MYH9: variants seen among roughly 807,000 people sequenced by gnomAD.
MYH9 encodes the protein myosin-9.
MYH9 carries 29 observed loss-of-function variants against 241.9 expected under a neutral mutation model. That is an observed-to-expected ratio of 0.12 (90% CI 0.09 to 0.16). The LOEUF (loss-of-function observed/expected upper bound fraction) is 0.16, where lower values mean the gene tolerates loss of function less well. Among genes scored for constraint, MYH9 ranks in the 10% least tolerant of loss-of-function variants. The probability of loss-of-function intolerance (pLI) is 1.00; values close to 1 mark genes in which losing one functional copy is unlikely to be tolerated. For missense variants in MYH9, 1,803 were observed against 2,595.5 expected (o/e 0.69, Z 6.63); for synonymous variants, 1,047 against 1,062.6 (o/e 0.99, Z 0.29).
rs1445771603 is a variant in MYH9, at chr22:36,285,372, T to C, written c.5275-43A>G. The C allele has an allele frequency of 1.4e-5, 22 of 1,590,170 alleles. No homozygotes were observed. The highest frequency in any genetic ancestry group is 1.9e-5 in the Non-Finnish European group (22 of 1,169,324). On this transcript the variant is annotated intron_variant, in intron 37 of 40. Coordinates refer to ENST00000216181, the MANE Select transcript of MYH9 (RefSeq NM_002473.6). The surrounding 1 kb of genome is among the most constrained non-coding windows in gnomAD (Gnocchi z 7.0). ...GTGACCTTGGGGAGGGCTGGGGCCC[T>C]GGCTGGAGGGCATGAGCAGGGCCAG...
chr22:36,300,520 G>A lies in MYH9; in HGVS notation c.2839-256C>T, dbSNP rs540612821. On this transcript the variant is annotated intron_variant, in intron 22 of 40. Transcript: ENST00000216181. This position sits in a 1 kb window ranked among gnomAD's most constrained non-coding sequence, Gnocchi z 5.0. Reference sequence around the variant, plus strand: ...CAGAACATCGGTGCAATGTTCTGAAGGGTTTCCTGCAGCAAGCTCCCACCC... The same window carrying A: ...CAGAACATCGGTGCAATGTTCTGAAAGGTTTCCTGCAGCAAGCTCCCACCC... Among the ~76,000 whole-genome samples, 1 of 152,354 alleles carries A rather than the reference G, an allele frequency of 6.6e-6. No individual in the cohort carries two copies. The highest frequency in any genetic ancestry group is 2.1e-4 in the South Asian group (1 of 4,832).
At position 36,286,798 on chromosome 22, in the gene MYH9, G is replaced by C. The variant is rs760844584; in HGVS notation, c.4981C>G (p.Arg1661Gly). ...MRELDDTRAS[R>G]EEILAQAKEN... ...TTGGCCTGGGCCAGGATCTCCTCAC[G>C]AGAGGCGCGGGTGTCATCCAGCTCG... Residue 1661 changes from arginine (R) to glycine (G), a missense_variant, in exon 35 of 41, where the codon CGT (arginine) becomes GGT (glycine). By Grantham distance (125) the Arg-to-Gly change is moderately radical (BLOSUM62 -2). Around this residue, in one of 11 missense-constraint regions of MYH9, gnomAD observed 876 missense variants for 1,077.8 expected, o/e 0.81. Transcript: ENST00000216181. 3.1e-6 allele frequency: 5 copies of C among 1,612,236 alleles called. No individual in the cohort carries two copies. The Admixed American group carries it at 5.0e-5, about 16-fold the overall frequency.
intron 7 of MYH9, 85 bp downstream of exon 7, chr22:36,321,673 G>A: frequency 7.8e-7 from 1 of 1,281,118 alleles, no homozygotes; most frequent in Non-Finnish European, 1.1e-6. Context: ...GGAAAGTGCT[G>A]GAATCAGGAG....
intron 3 of MYH9, among the ~76,000 whole-genome samples, chr22:36,334,960 C>T (rs1375680595): frequency 6.6e-6 from 1 of 152,204 alleles, no homozygotes; most frequent in Non-Finnish European, 1.5e-5. Flanking sequence ...CTCCACGACA[C>T]ACTTCCTCTT....
chr22:36,346,752 G>A (rs111812508), intron 2 of MYH9, among the ~76,000 whole-genome samples: 4,575 of 152,110 alleles, frequency 0.03, 222 homozygotes, highest in African/African-American at 0.1. Context: ...CTATAGGCAC[G>A]CCACACTATG....
intron 1 of MYH9, among the ~76,000 whole-genome samples, chr22:36,357,229 G>A (rs2017870497): frequency 6.6e-6 from 1 of 152,184 alleles, no homozygotes; most frequent in Non-Finnish European, 1.5e-5. Context: ...AGAGTGTCAT[G>A]GAGGATATGA....
At chr22:36,294,442 G>A (rs2146337730) in intron 27 of MYH9, 144 bp from the exon 28 acceptor site, 7 of 839,054 alleles carry the variant, frequency 8.3e-6, no homozygotes, top group East Asian at 5.3e-5. Flanking sequence ...CAGACGGCTC[G>A]GGCCTCATCT....
chr22:36,306,752 A>G lies in MYH9; in HGVS notation c.1844-145T>C. On this transcript the variant is annotated intron_variant, in intron 15 of 40. Transcript: ENST00000216181. This position sits in a 1 kb window ranked among gnomAD's most constrained non-coding sequence, Gnocchi z 4.1. ...ACAGGACCCTTTCCAATTGGAGCCT[A>G]CACTGGGTGCTAAGGTCATCCCCAA... 1.1e-6 allele frequency: 1 copy of G among 877,522 alleles called. No homozygotes were observed. The highest frequency in any genetic ancestry group is 1.8e-6 in the Non-Finnish European group (1 of 549,362). The allele number at this position is 877,522 out of a possible 1,614,324, so 54.4% of individuals were successfully genotyped here.
At position 36,306,615 on chromosome 22, in the gene MYH9, G is replaced by C; in HGVS notation, c.1844-8C>G. ...GGCCGATGATGCGGTCCACTGTGGAGACCACAGAGAACACGTGAGTGCCCA... is the reference window on the plus strand; with the variant it reads ...GGCCGATGATGCGGTCCACTGTGGACACCACAGAGAACACGTGAGTGCCCA... On this transcript the variant is annotated splice_region_variant and splice_polypyrimidine_tract_variant and intron_variant, in intron 15 of 40. Coordinates refer to ENST00000216181, the MANE Select transcript of MYH9 (RefSeq NM_002473.6). This position sits in a 1 kb window ranked among gnomAD's most constrained non-coding sequence, Gnocchi z 4.1. 1 of 1,610,664 alleles carries C rather than the reference G, an allele frequency of 6.2e-7. No individual in the cohort carries two copies. Among genetic ancestry groups the C allele is most frequent in the Non-Finnish European group, 8.5e-7 (1 of 1,179,496 alleles).
chr22:36,368,814 G>C (rs1052841859), intron 1 of MYH9, among the ~76,000 whole-genome samples: 8 of 151,250 alleles, frequency 5.3e-5, no homozygotes, highest in Admixed American at 1.3e-4. Flanking sequence ...CACAACAAAG[G>C]CTGCCCTGCA....
At chr22:36,291,653 G>GA (rs1389717330) in intron 31 of MYH9, among the ~76,000 whole-genome samples, 2 of 83,468 alleles carry the variant, frequency 2.4e-5, no homozygotes, top group Non-Finnish European at 4.5e-5. Flanking sequence ...CCCTCTGCGA[G>GA]AAACACCCAA....
Position 36,289,172 on chromosome 22 carries a change from C to T in MYH9, c.4470G>A (p.Glu1490=), listed in dbSNP as rs1347396577. The T allele has an allele frequency of 6.2e-7, 1 of 1,613,898 alleles. No homozygotes were observed. The highest frequency in any genetic ancestry group is 1.1e-5 in the South Asian group (1 of 91,088). Residue 1490 remains glutamate (E), a synonymous_variant, in exon 32 of 41, where the codon GAG becomes GAA. Coordinates refer to ENST00000216181, the MANE Select transcript of MYH9 (RefSeq NM_002473.6). ...TGAGCCGCTCCAGCTCCGCCTTCTG[C>T]TCCATGGCTTCCTCCAGGGCCCGGG... The part of the protein sequence containing the change: ...SLARALEEAM[E]QKAELERLNK...
chr22:36,337,063 C>A (rs1459698232), intron 3 of MYH9, among the ~76,000 whole-genome samples: 1 of 151,512 alleles, frequency 6.6e-6, no homozygotes, highest in East Asian at 1.9e-4. Context: ...CAGCACAGGG[C>A]TCCAGGCAGC....
intron 5 of MYH9, among the ~76,000 whole-genome samples, chr22:36,324,118 C>T (rs1320256791): frequency 2.0e-5 from 3 of 152,236 alleles, no homozygotes; most frequent in African/African-American, 4.8e-5. Context: ...TGCCTGTGCT[C>T]GCCCTGGCTG....
At chr22:36,294,374 T>C in intron 27 of MYH9, 76 bp from the exon 28 acceptor site, 3 of 1,487,922 alleles carry the variant, frequency 2.0e-6, no homozygotes, top group Non-Finnish European at 2.8e-6. Flanking sequence ...CACTGGACCC[T>C]AGATCCAGAC....
At position 36,299,201 on chromosome 22, in the gene MYH9, G is replaced by T. The variant is rs4821480; in HGVS notation, c.2977-159C>A. Among the ~76,000 whole-genome samples the T allele has an allele frequency of 0.79, 120,379 of 152,092 alleles. 52,774 individuals are homozygous for T. The highest frequency in any genetic ancestry group is 1 in the East Asian group (5,154 of 5,160). On this transcript the variant is annotated intron_variant, in intron 23 of 40. Coordinates refer to ENST00000216181, the MANE Select transcript of MYH9 (RefSeq NM_002473.6). ...TTTTCCTAGATCAAAGGATAATTTT[G>T]AAAGGTCACGAGCTCCCCTGAAACA... is the stretch of plus-strand genomic sequence containing the variant.
At position 36,319,634 on chromosome 22, in the gene MYH9, G is replaced by A. The variant is rs1049693865; in HGVS notation, c.1014C>T (p.Gly338=). 2 of 1,614,002 alleles carry A rather than the reference G, an allele frequency of 1.2e-6. No individual in the cohort carries two copies. The highest frequency in any genetic ancestry group is 1.3e-5 in the African/African-American group (1 of 75,020). Residue 338 remains glycine (G), a splice_region_variant and synonymous_variant, in exon 10 of 41, where the codon GGC becomes GGT. Transcript: ENST00000216181. The stretch of plus-strand genomic sequence containing the variant: ...GAACCCCTGAGATGACCCGCAGCAG[G>A]CCTTTGGGTGCAATCAGAGGCAGCT... ...IMGIPEEEQM[G]LLRVISGVLQ... is the part of the protein sequence containing the mutation.
intron 2 of MYH9, among the ~76,000 whole-genome samples, chr22:36,346,568 T>C (rs2017681304): frequency 6.6e-6 from 1 of 152,204 alleles, no homozygotes; most frequent in Admixed American, 6.5e-5. Context: ...AAAGTTGGTC[T>C]TCCCATCTGT....
In MYH9 at chr22:36,314,326, G is replaced by C. The variant is rs374409104; in HGVS notation, c.1381-8C>G. The C allele has an allele frequency of 1.2e-6, 2 of 1,613,958 alleles. No homozygotes were observed. Among genetic ancestry groups the C allele is most frequent in the Non-Finnish European group, 1.7e-6 (2 of 1,180,044 alleles). On this transcript the variant is annotated splice_polypyrimidine_tract_variant and splice_region_variant and intron_variant, in intron 12 of 40. Coordinates refer to ENST00000216181, the MANE Select transcript of MYH9 (RefSeq NM_002473.6). ...CTGCTCAAACGAGTTCAGCTGCAAGGAGAGAAAACAATGTCAGAGAGACGC... is the reference window on the plus strand; with the variant it reads ...CTGCTCAAACGAGTTCAGCTGCAAGCAGAGAAAACAATGTCAGAGAGACGC...
Sources: allele counts gnomAD v4.1 joint callset (sites outside exome capture counted in the v4.1 genomes callset), GRCh38; gene constraint gnomAD v4.1.1; regional missense constraint gnomAD v4.1.1; non-coding constraint Gnocchi (gnomAD v3.1); transcripts MANE v1.5; gene names NCBI Gene and HGNC (gene_info 2026-07-23, HGNC 2026-07-21).